The following ISM2 variants were observed in gnomAD, a reference collection of about 807,000 sequenced individuals.
ISM2 encodes the protein isthmin-2.
ISM2 carries 50 observed loss-of-function variants against 58.0 expected under a neutral mutation model. The ratio of observed to expected loss-of-function variants is 0.86; its 90% CI spans 0.69 to 1.09. The LOEUF is 1.09. Ranked by LOEUF, ISM2 falls within the 50% of genes least tolerant of loss-of-function variation. The pLI, the probability that ISM2 is intolerant of heterozygous loss-of-function variation, is 0.00. For missense variants in ISM2, 723 were observed against 745.0 expected, an observed-to-expected ratio of 0.97 and a Z score of 0.34; for synonymous variants, 303 against 312.4, an observed-to-expected ratio of 0.97 and a Z score of 0.32.
In ISM2 at chr14:77,474,861, A is replaced by G. The variant is rs1382722354; in HGVS notation, c.*734T>C. Reference sequence around the variant, plus strand: ...GGAGTGCCAACTCCCAGCCCTGCACATCCCTACAATCAGCAGAACAGAGGG... The same window carrying G: ...GGAGTGCCAACTCCCAGCCCTGCACGTCCCTACAATCAGCAGAACAGAGGG... On this transcript the variant is annotated 3_prime_UTR_variant, in exon 7 of 7. Transcript: ENST00000342219. 6.6e-6 allele frequency: 1 copy of G among 152,204 alleles called. No individual in the cohort carries two copies. Among genetic ancestry groups the G allele is most frequent in the Non-Finnish European group, 1.5e-5 (1 of 68,068 alleles). The allele number at this position is 152,204 out of a possible 1,614,324, so 9.4% of individuals were successfully genotyped here.
rs2079097350 is a variant in ISM2, at chr14:77,476,132, G to A, written c.1199-20C>T. The A allele has an allele frequency of 1.3e-6, 2 of 1,505,316 alleles. No homozygotes were observed. Among genetic ancestry groups the A allele is most frequent in the Middle Eastern group, 1.8e-4 (1 of 5,602 alleles). The allele number at this position is 1,505,316 out of a possible 1,614,324, so 93.2% of individuals were successfully genotyped here. ...CCACATCTGCAAAGGGCCACAAAGT[G>A]CAGGAGGGAAGCCAGTGACAGAGCC... On this transcript the variant is annotated intron_variant, in intron 6 of 6. Coordinates refer to ENST00000342219, the MANE Select transcript of ISM2 (RefSeq NM_199296.3).
At chr14:77,476,201 G>A in intron 6 of ISM2, 89 bp from the exon 7 acceptor site, 1 of 1,401,328 alleles carries the variant, frequency 7.1e-7, no homozygotes, top group Non-Finnish European at 9.5e-7. Context: ...AGTGCATGGG[G>A]AGAGAAGGCC....
intron 1 of ISM2, among the ~76,000 whole-genome samples, chr14:77,494,399 A>T (rs1045940744): frequency 7.7e-4 from 116 of 151,094 alleles, no homozygotes; most frequent in African/African-American, 2.7e-3. Flanking sequence ...TTATTTTTCA[A>T]TTTTTTTTAA....
chr14:77,498,471 A>T lies in ISM2; in HGVS notation c.141+182T>A, dbSNP rs778879868. ...TCACGCGCGAGGAGTGGAAGCCCCG[A>T]AGTCCGGCGCACCTGGGCAACGCCC... is the stretch of plus-strand genomic sequence containing the variant. On this transcript the variant is annotated intron_variant, in intron 1 of 6. Transcript: ENST00000342219. 6 of 1,168,578 alleles carry T rather than the reference A, an allele frequency of 5.1e-6. No individual in the cohort carries two copies. In the South Asian group the frequency reaches 8.2e-5, roughly 16 times the overall value. 72.4% of individuals were successfully genotyped at this position (1,168,578 alleles called of 1,614,324 possible).
At chr14:77,488,830 A>C (rs1412536143) in intron 1 of ISM2, among the ~76,000 whole-genome samples, 2 of 152,170 alleles carry the variant, frequency 1.3e-5, no homozygotes, top group Non-Finnish European at 2.9e-5. Context: ...ATCACTCGGC[A>C]GGTGTATCCT....
chr14:77,493,314 C>T (rs965904133), intron 1 of ISM2, among the ~76,000 whole-genome samples: 1 of 151,854 alleles, frequency 6.6e-6, no homozygotes, highest in South Asian at 2.1e-4. Flanking sequence ...GTTTTTATGA[C>T]GATGTCACCA....
At chr14:77,498,559 G>T in intron 1 of ISM2, 94 bp downstream of exon 1, 2 of 1,391,748 alleles carry the variant, frequency 1.4e-6, no homozygotes, top group Non-Finnish European at 9.4e-7. Flanking sequence ...CTGCCTGTGT[G>T]TGTCCCGGTC....
chr14:77,484,919 C>G lies in ISM2; in HGVS notation c.142G>C (p.Val48Leu), dbSNP rs912136606. 6.5e-7 allele frequency: 1 copy of G among 1,541,538 alleles called. No individual in the cohort carries two copies. The highest frequency in any genetic ancestry group is 8.7e-7 in the Non-Finnish European group (1 of 1,146,144). Reference protein sequence around the residue: ...RPGSLTRLAEVSASPDPRPLK... With the variant: ...RPGSLTRLAELSASPDPRPLK... ...GGCCTAGGATCTGGGGAGGCTGAGA[C>G]CTGAGGGAGAGAGAAGGAAGGTAAG... The change falls in exon 2 of 7, where the codon GTC becomes CTC. Residue 48 changes from valine (V) to leucine (L), a missense_variant and splice_region_variant. Physicochemically the swap from Val to Leu is conservative, Grantham distance 32. Coordinates refer to ENST00000342219, the MANE Select transcript of ISM2 (RefSeq NM_199296.3).
intron 1 of ISM2, among the ~76,000 whole-genome samples, chr14:77,487,417 T>C (rs1296381915): frequency 7.2e-5 from 11 of 152,120 alleles, no homozygotes; most frequent in Admixed American, 1.3e-4. Flanking sequence ...AAAATGGGAA[T>C]GACAACAGGA....
intron 1 of ISM2, among the ~76,000 whole-genome samples, chr14:77,486,755 C>G (rs1243059613): frequency 6.6e-6 from 1 of 151,848 alleles, no homozygotes; most frequent in Non-Finnish European, 1.5e-5. Flanking sequence ...GCAGGTGGTA[C>G]AGTGGTTATG....
chr14:77,487,059 T>C (rs1183650071), intron 1 of ISM2, among the ~76,000 whole-genome samples: 1 of 151,168 alleles, frequency 6.6e-6, no homozygotes, highest in Non-Finnish European at 1.5e-5. Context: ...CTGGCCAACA[T>C]GGTGAAATCC....
At chr14:77,493,035 C>T (rs2079216083) in intron 1 of ISM2, among the ~76,000 whole-genome samples, 1 of 152,154 alleles carries the variant, frequency 6.6e-6, no homozygotes, top group African/African-American at 2.4e-5. Flanking sequence ...ATTCTGTCAC[C>T]CAGGCTGGAG....
intron 1 of ISM2, among the ~76,000 whole-genome samples, chr14:77,491,757 C>T (rs899248588): frequency 3.5e-5 from 5 of 141,470 alleles, no homozygotes; most frequent in African/African-American, 1.3e-4. Flanking sequence ...GGTGCAGAGG[C>T]ACAATCTCGG....
chr14:77,490,155 G>A (rs367865592), intron 1 of ISM2, among the ~76,000 whole-genome samples: 127 of 141,458 alleles, frequency 9.0e-4, no homozygotes, highest in African/African-American at 3.1e-3. Context: ...GAGCCACCAC[G>A]CCCGGCTAAT....
intron 1 of ISM2, among the ~76,000 whole-genome samples, chr14:77,495,158 G>A (rs1019985890): frequency 3.9e-5 from 6 of 152,168 alleles, no homozygotes; most frequent in Non-Finnish European, 7.4e-5. Context: ...CCAAAGTGCT[G>A]GGATTACAGG....
chr14:77,493,454 G>A (rs1338131150), intron 1 of ISM2, among the ~76,000 whole-genome samples: 2 of 151,750 alleles, frequency 1.3e-5, no homozygotes, highest in African/African-American at 2.4e-5. Context: ...TGTTCACAAG[G>A]CTAATTATTT....
At chr14:77,480,535 C>T (rs900056029) in intron 4 of ISM2, among the ~76,000 whole-genome samples, 3 of 141,328 alleles carry the variant, frequency 2.1e-5, no homozygotes, top group Non-Finnish European at 3.0e-5. Context: ...CTGAAAAACA[C>T]GGAAATTTTT....
chr14:77,489,149 C>T (rs899128091), intron 1 of ISM2, among the ~76,000 whole-genome samples: 3 of 152,236 alleles, frequency 2.0e-5, no homozygotes, highest in African/African-American at 4.8e-5. Context: ...TACTGCATTG[C>T]GTGAGCCCGC....
intron 3 of ISM2, chr14:77,482,919 T>G (rs1450103195): frequency 2.8e-6 from 1 of 363,502 alleles, no homozygotes; most frequent in African/African-American, 2.2e-5. Flanking sequence ...TGGACTGAAC[T>G]GGTCTGGGCT....
Sources: gnomAD v4.1 joint callset for allele counts (sites outside exome capture counted in the v4.1 genomes callset) on GRCh38, gnomAD v4.1.1 for gene constraint, MANE v1.5 for transcripts, NCBI Gene and HGNC (gene_info 2026-07-23, HGNC 2026-07-21) for gene names.